The following SUMF1 variants were observed in gnomAD, a reference collection of about 807,000 sequenced individuals.
SUMF1 encodes the protein sulfatase modifying factor 1.
A neutral mutation model predicts 47.6 loss-of-function variants in SUMF1; 48 were observed. The ratio of observed to expected loss-of-function variants is 1.01; its 90% CI spans 0.80 to 1.28. The LOEUF is 1.28. Among genes scored for constraint, SUMF1 ranks in the 50% most tolerant of loss-of-function variants. SUMF1 has a pLI of 0.00. For missense variants in SUMF1, 571 were observed against 485.4 expected, an observed-to-expected ratio of 1.18 and a Z score of -1.66; for synonymous variants, 230 against 192.1, an observed-to-expected ratio of 1.20 and a Z score of -1.63.
chr3:4,405,589 T>C (rs1701350609), intron 7 of SUMF1, among the ~76,000 whole-genome samples: 2 of 152,120 alleles, frequency 1.3e-5, no homozygotes, highest in African/African-American at 4.8e-5. Context: ...GATTTTGCCA[T>C]GTTGCCCAGG....
chr3:4,160,095 C>A (rs1694541290), intron 8 of SUMF1, among the ~76,000 whole-genome samples: 1 of 152,078 alleles, frequency 6.6e-6, no homozygotes, highest in African/African-American at 2.4e-5. Context: ...ATATCGATAT[C>A]TCTCTAGGTT....
chr3:4,374,014 G>T (rs1215628801), intron 8 of SUMF1, among the ~76,000 whole-genome samples: 1 of 151,804 alleles, frequency 6.6e-6, no homozygotes, highest in Non-Finnish European at 1.5e-5. Flanking sequence ...TAAAAAATTA[G>T]CAATGGAAAA....
intron 8 of SUMF1, among the ~76,000 whole-genome samples, chr3:4,078,801 T>A (rs1322686386): frequency 1.3e-5 from 2 of 152,036 alleles, no homozygotes; most frequent in Non-Finnish European, 2.9e-5. Flanking sequence ...AAGTAGGTAC[T>A]GTGGTTATCT....
rs149041246 is a variant in SUMF1, at chr3:4,302,089, T to A, written c.1014+74241A>T. On this transcript the variant is annotated intron_variant and NMD_transcript_variant, in intron 8 of 12. Coordinates refer to the SUMF1 transcript ENST00000448413. ...CAATGGGACCTCAGAAGCTGCAAGG[T>A]CAGAAGGGTTTGTGAACCCAAAATT... Among the ~76,000 whole-genome samples, 21 of 152,234 alleles carry A rather than the reference T, an allele frequency of 1.4e-4. No homozygotes were observed. The East Asian group carries it at 3.5e-3, about 25-fold the overall frequency.
chr3:4,136,245 C>G (rs1016482898), intron 8 of SUMF1, among the ~76,000 whole-genome samples: 7 of 152,082 alleles, frequency 4.6e-5, no homozygotes, highest in Non-Finnish European at 5.9e-5. Context: ...GCTACAGTAA[C>G]CAAAACAGCA....
At chr3:4,145,601 A>G (rs1029055671) in intron 8 of SUMF1, among the ~76,000 whole-genome samples, 9 of 152,120 alleles carry the variant, frequency 5.9e-5, no homozygotes, top group African/African-American at 2.2e-4. Flanking sequence ...TGCATAATGC[A>G]GGGTTGACTC....
At chr3:4,227,081 C>A (rs1000111149) in intron 8 of SUMF1, among the ~76,000 whole-genome samples, 6 of 152,092 alleles carry the variant, frequency 3.9e-5, no homozygotes, top group African/African-American at 1.2e-4. Flanking sequence ...AACCCCTGCC[C>A]CATTCTAGCC....
intron 8 of SUMF1, among the ~76,000 whole-genome samples, chr3:4,337,901 T>A (rs968675270): frequency 6.6e-6 from 1 of 151,612 alleles, no homozygotes; most frequent in African/African-American, 2.4e-5. Context: ...TCACCTCACC[T>A]CCCTCCCAGT....
At chr3:4,202,881 T>C (rs1298409175) in intron 8 of SUMF1, among the ~76,000 whole-genome samples, 1 of 151,992 alleles carries the variant, frequency 6.6e-6, no homozygotes, top group African/African-American at 2.4e-5. Flanking sequence ...GTTTGTATAG[T>C]TTCCAAAGTT....
In SUMF1 at chr3:4,350,398, T is replaced by A. The variant is rs114511052; in HGVS notation, c.1014+25932A>T. On this transcript the variant is annotated intron_variant and NMD_transcript_variant, in intron 8 of 12. Coordinates refer to the SUMF1 transcript ENST00000448413. ...TTGTGTGTGTATAATTGTGTGTATA[T>A]ATATTCAATATATATCCATATATAC... 2.8e-3 allele frequency among the ~76,000 whole-genome samples: 431 copies of A among 151,306 alleles called. 2 individuals carry two copies. The highest frequency in any genetic ancestry group is 9.6e-3 in the African/African-American group (395 of 41,246).
chr3:4,236,582 C>G (rs1696414730), intron 8 of SUMF1, among the ~76,000 whole-genome samples: 2 of 151,962 alleles, frequency 1.3e-5, no homozygotes, highest in Non-Finnish European at 2.9e-5. Flanking sequence ...AGTGAGACCC[C>G]CCATCTCTAA....
chr3:4,101,836 A>G (rs982796565), intron 8 of SUMF1, among the ~76,000 whole-genome samples: 2 of 152,126 alleles, frequency 1.3e-5, no homozygotes, highest in Non-Finnish European at 2.9e-5. Flanking sequence ...ACACTGCTAT[A>G]AAGAACTACC....
intron 8 of SUMF1, among the ~76,000 whole-genome samples, chr3:4,106,471 T>G (rs935730387): frequency 2.0e-5 from 3 of 152,146 alleles, no homozygotes; most frequent in African/African-American, 7.2e-5. Context: ...TAGGTAATAG[T>G]TTCCATCTCC....
At chr3:4,122,804 G>T (rs1050776076) in intron 8 of SUMF1, among the ~76,000 whole-genome samples, 2 of 152,166 alleles carry the variant, frequency 1.3e-5, no homozygotes, top group Non-Finnish European at 2.9e-5. Flanking sequence ...CAAAGCAGAG[G>T]AGTGTATTGG....
chr3:4,300,470 G>A (rs943203383), intron 8 of SUMF1, among the ~76,000 whole-genome samples: 2 of 152,194 alleles, frequency 1.3e-5, no homozygotes, highest in Non-Finnish European at 2.9e-5. Flanking sequence ...TATCAGATGT[G>A]TACTGCAGTG....
At position 4,272,875 on chromosome 3, in the gene SUMF1, AC is replaced by A. The variant is rs1697330669; in HGVS notation, c.1014+103454del. On this transcript the variant is annotated intron_variant and NMD_transcript_variant, in intron 8 of 12. Transcript: ENST00000448413. The stretch of plus-strand genomic sequence containing the variant: ...GATCACTTGAGGCCAGGAGTTTGAG[AC>A]CAACCTGGGCAATATAGCCAGACAG... Among the ~76,000 whole-genome samples, 3 of 152,048 alleles carry A rather than the reference AC, an allele frequency of 2.0e-5. No individual in the cohort carries two copies. The South Asian group carries it at 6.2e-4, about 32-fold the overall frequency.
At chr3:4,133,784 A>G (rs1033947859) in intron 8 of SUMF1, among the ~76,000 whole-genome samples, 1 of 152,024 alleles carries the variant, frequency 6.6e-6, no homozygotes, top group Non-Finnish European at 1.5e-5. Context: ...ATGTGACTTA[A>G]TACTTAATAA....
chr3:4,431,634 T>G (rs1417019445), intron 3 of SUMF1, among the ~76,000 whole-genome samples: 1 of 152,166 alleles, frequency 6.6e-6, no homozygotes, highest in African/African-American at 2.4e-5. Context: ...CACTGAATAT[T>G]GGAGCAGAAA....
intron 8 of SUMF1, among the ~76,000 whole-genome samples, chr3:4,153,290 C>T (rs192870887): frequency 6.6e-6 from 1 of 151,530 alleles, no homozygotes; most frequent in African/African-American, 2.4e-5. Context: ...TAGCTCACTG[C>T]AGCCTCGAAC....
Sources: allele counts gnomAD v4.1 joint callset (sites outside exome capture counted in the v4.1 genomes callset), GRCh38; gene constraint gnomAD v4.1.1; transcripts MANE v1.5; gene names NCBI Gene and HGNC (gene_info 2026-07-23, HGNC 2026-07-21).